The following ATG7 variants were observed in gnomAD, a reference collection of about 807,000 sequenced individuals.
The protein encoded by ATG7 is ubiquitin-like modifier-activating enzyme ATG7.
ATG7 carries 70 observed loss-of-function variants against 82.4 expected under a neutral mutation model. The observed-to-expected ratio is 0.85, with a 90% CI of 0.70 to 1.04. The LOEUF is 1.04. ATG7 is among the 50% of genes least tolerant of loss of function. The pLI is 0.00. For synonymous variants in ATG7, 287 were observed against 313.0 expected (o/e 0.92, Z 0.88); for missense variants, 792 against 864.3 (o/e 0.92, Z 1.05).
intron 19 of ATG7, among the ~76,000 whole-genome samples, chr3:11,412,037 C>G (rs1395727310): frequency 1.3e-5 from 2 of 151,454 alleles, no homozygotes; most frequent in African/African-American, 4.9e-5. Flanking sequence ...GCTTGGTGCA[C>G]AGAAAGCCAA....
rs921672478 is a variant in ATG7 at position 11,476,996 on chromosome 3, T to G, written c.2079+50070T>G. On this transcript the variant is annotated intron_variant, in intron 20 of 20. Transcript: ENST00000693202. ...CAGTTTTCCTTATTAAAGCCCTCTT[T>G]ATTACAGTGTTTTCCGATGGCAGTC... is the stretch of plus-strand genomic sequence containing the variant. The G allele has an allele frequency of 9.7e-6, 9 of 931,878 alleles. No individual in the cohort carries two copies. The African/African-American group carries it at 1.5e-4, about 16-fold the overall frequency. 57.7% of individuals were successfully genotyped at this position (931,878 alleles called of 1,614,324 possible). A position where few individuals can be genotyped will look rare whatever the true frequency, so the allele number is the denominator to read the frequency against.
intron 20 of ATG7, among the ~76,000 whole-genome samples, chr3:11,479,881 T>C (rs945969436): frequency 6.6e-6 from 1 of 151,544 alleles, no homozygotes; most frequent in Non-Finnish European, 1.5e-5. Context: ...TTTGAAGGGG[T>C]CATTTGTTCA....
chr3:11,553,373 G>T (rs1210463548), intron 20 of ATG7, among the ~76,000 whole-genome samples: 2 of 151,730 alleles, frequency 1.3e-5, no homozygotes, highest in Non-Finnish European at 2.9e-5. Flanking sequence ...CTGGCTACAT[G>T]AATGTGTGTT....
intron 20 of ATG7, among the ~76,000 whole-genome samples, chr3:11,536,098 G>A (rs892816472): frequency 3.3e-5 from 5 of 152,182 alleles, no homozygotes; most frequent in African/African-American, 9.6e-5. Context: ...CACCCTCCCA[G>A]CCCAGCCAGG....
intron 20 of ATG7, among the ~76,000 whole-genome samples, chr3:11,467,123 T>A (rs900593309): frequency 2.6e-5 from 3 of 113,524 alleles, no homozygotes; most frequent in African/African-American, 1.1e-4. Context: ...AAACCCCATC[T>A]CAGAAAAAAA....
intron 20 of ATG7, chr3:11,488,480 A>C (rs1330854284): frequency 3.8e-5 from 48 of 1,279,396 alleles, no homozygotes; most frequent in Non-Finnish European, 4.7e-5. Flanking sequence ...TCATATCTGC[A>C]GCTGGGGCCC....
chr3:11,549,613 ATACACCACAATTTC>A (rs2071591965), intron 20 of ATG7, among the ~76,000 whole-genome samples: 1 of 152,172 alleles, frequency 6.6e-6, no homozygotes, highest in South Asian at 2.1e-4. Context: ...CACTGTACGG[ATACACCACAATTTC>A]TCTGCTTTCC....
intron 20 of ATG7, among the ~76,000 whole-genome samples, chr3:11,461,990 C>T (rs753422445): frequency 4.0e-5 from 6 of 151,684 alleles, no homozygotes; most frequent in South Asian, 2.1e-4. Flanking sequence ...GAGATCATGC[C>T]GCTGCACTCC....
Position 11,419,731 on chromosome 3 carries a change from T to C in ATG7, c.1957-7073T>C, listed in dbSNP as rs552107119. On this transcript the variant is annotated intron_variant, in intron 19 of 20. Transcript: ENST00000693202. ...CTAGGCAGAGAAGATAGGTTTGATA[T>C]AGTAAAGAGTAAGGAGTCACCAAAG... is the stretch of plus-strand genomic sequence containing the variant. 8.5e-5 allele frequency among the ~76,000 whole-genome samples: 13 copies of C among 152,284 alleles called. 1 individual carries two copies. In the Middle Eastern group the frequency reaches 0.01, roughly 120 times the overall value.
chr3:11,456,590 C>T (rs527265669), intron 20 of ATG7, among the ~76,000 whole-genome samples: 14 of 152,206 alleles, frequency 9.2e-5, no homozygotes, highest in South Asian at 2.1e-4. Context: ...CATGGTGTTT[C>T]GCTTAACACT....
At chr3:11,376,863 C>G (rs561040363) in intron 18 of ATG7, among the ~76,000 whole-genome samples, 2 of 152,180 alleles carry the variant, frequency 1.3e-5, no homozygotes, top group Non-Finnish European at 2.9e-5. Flanking sequence ...CTCAGCCTCC[C>G]GAGTAGCTGG....
chr3:11,325,686 A>T (rs1046139095), intron 9 of ATG7, among the ~76,000 whole-genome samples: 159 of 151,828 alleles, frequency 1.0e-3, no homozygotes, highest in African/African-American at 2.8e-3. Context: ...AAAAAAAAAA[A>T]TTTTATCCTA....
chr3:11,486,022 C>T (rs897300569), intron 20 of ATG7, among the ~76,000 whole-genome samples: 3 of 152,104 alleles, frequency 2.0e-5, no homozygotes, highest in Admixed American at 6.5e-5. Flanking sequence ...CTTGGTGATG[C>T]GGGCTCTTTT....
intron 10 of ATG7, 82 bp from the exon 11 acceptor site, chr3:11,332,890 G>T (rs2152756733): frequency 7.6e-7 from 1 of 1,310,500 alleles, no homozygotes; most frequent in Non-Finnish European, 9.9e-7. Flanking sequence ...CAACTGGTTT[G>T]CTGAAGCTCT....
At chr3:11,273,177 T>G (rs1940890374) in intron 1 of ATG7, among the ~76,000 whole-genome samples, 1 of 152,262 alleles carries the variant, frequency 6.6e-6, no homozygotes, top group African/African-American at 2.4e-5. Context: ...CATTGGCAAC[T>G]CAGTTTTTAC....
At chr3:11,469,156 A>T (rs1159088841) in intron 20 of ATG7, among the ~76,000 whole-genome samples, 1 of 152,244 alleles carries the variant, frequency 6.6e-6, no homozygotes, top group Non-Finnish European at 1.5e-5. Context: ...TCTGGCTTTA[A>T]GAGTAAAATA....
At chr3:11,335,451 C>G (rs1380621891) in intron 11 of ATG7, among the ~76,000 whole-genome samples, 1 of 152,142 alleles carries the variant, frequency 6.6e-6, no homozygotes, top group African/African-American at 2.4e-5. Flanking sequence ...GGGCCACACT[C>G]AAAGCTGTCC....
intron 20 of ATG7, among the ~76,000 whole-genome samples, chr3:11,530,548 C>A (rs2092675653): frequency 6.6e-6 from 1 of 152,180 alleles, no homozygotes; most frequent in South Asian, 2.1e-4. Context: ...CCAGTCGGCA[C>A]CCATTCCAGA....
At position 11,325,528 on chromosome 3, in the gene ATG7, G is replaced by A. The variant is rs557768970; in HGVS notation, c.679-5812G>A. On this transcript the variant is annotated intron_variant, in intron 9 of 20. Transcript: ENST00000693202. ...CTCTACTAAAAATACAAAATTAGCCGGGTGTGGTGGCGCATGCCTGTAATC... is the reference window on the plus strand; with the variant it reads ...CTCTACTAAAAATACAAAATTAGCCAGGTGTGGTGGCGCATGCCTGTAATC... Among the ~76,000 whole-genome samples, 11 of 152,168 alleles carry A rather than the reference G, an allele frequency of 7.2e-5. No homozygotes were observed. In the East Asian group the frequency reaches 1.4e-3, roughly 19 times the overall value.
Sources: gnomAD v4.1 joint callset for allele counts (sites outside exome capture counted in the v4.1 genomes callset) on GRCh38, gnomAD v4.1.1 for gene constraint, MANE v1.5 for transcripts, NCBI Gene and HGNC (gene_info 2026-07-23, HGNC 2026-07-21) for gene names.